CD55: variants seen among roughly 807,000 people sequenced by gnomAD.
CD55 encodes complement decay-accelerating factor.
A neutral mutation model predicts 45.8 loss-of-function variants in CD55; 41 were observed. The ratio of observed to expected loss-of-function variants is 0.90; its 90% confidence interval spans 0.70 to 1.16. The LOEUF (loss-of-function observed/expected upper bound fraction) is 1.16, where lower values mean the gene tolerates loss of function less well. Ranked by LOEUF, CD55 falls within the 50% of genes most tolerant of loss-of-function variation. CD55 has a pLI of 0.00. For synonymous variants in CD55, 181 were observed against 181.1 expected (o/e 1.00, Z 0.01); for missense variants, 416 against 469.8 (o/e 0.89, Z 1.06).
chr1:207,329,480 C>G (rs1450943171), intron 5 of CD55, among the ~76,000 whole-genome samples: 1 of 152,220 alleles, frequency 6.6e-6, no homozygotes, highest in Non-Finnish European at 1.5e-5. Flanking sequence ...TCTCCTATCA[C>G]TTAAAAAGCC....
At chr1:207,323,153 A>C (rs1010506589) in intron 2 of CD55, among the ~76,000 whole-genome samples, 1 of 151,310 alleles carries the variant, frequency 6.6e-6, no homozygotes, top group Admixed American at 6.6e-5. Context: ...ATATATATAA[A>C]TTGGGATATA....
At chr1:207,344,532 T>C (rs1455705385) in intron 9 of CD55, among the ~76,000 whole-genome samples, 2 of 152,166 alleles carry the variant, frequency 1.3e-5, no homozygotes. Flanking sequence ...TCTTTTTCTT[T>C]CAGCGCTTTG....
At chr1:207,352,030 A>AAAATTGTT (rs1215727904) in intron 9 of CD55, among the ~76,000 whole-genome samples, 1 of 152,164 alleles carries the variant, frequency 6.6e-6, no homozygotes, top group Non-Finnish European at 1.5e-5. Context: ...CTACTGCAAG[A>AAAATTGTT]AAATTGTTTC....
chr1:207,334,623 T>G (rs930092602), intron 6 of CD55, among the ~76,000 whole-genome samples: 1 of 152,164 alleles, frequency 6.6e-6, no homozygotes, highest in Non-Finnish European at 1.5e-5. Flanking sequence ...GTAAAAGTGA[T>G]AGTTTGCATA....
At position 207,322,577 on chromosome 1, in the gene CD55, T is replaced by G. The variant is rs370729319; in HGVS notation, c.286+10T>G. On this transcript the variant is annotated intron_variant, in intron 2 of 9. Coordinates refer to ENST00000367064, the MANE Select transcript of CD55 (RefSeq NM_000574.5). ...GAAGAGTTCTGCAATCGTAAGTTCT[T>G]CATCTTTTTAGAAAAGTTCTGGGAA... is the stretch of plus-strand genomic sequence containing the variant. The G allele has an allele frequency of 1.4e-5, 23 of 1,587,678 alleles. No homozygotes were observed. In the East Asian group the frequency reaches 4.7e-4, roughly 32 times the overall value.
At position 207,325,651 on chromosome 1, in the gene CD55, C is replaced by T. The variant is rs762195469; in HGVS notation, c.508C>T (p.Arg170Ter). The change falls in exon 4 of 10, where the codon CGA becomes TGA. Residue 170 changes from arginine (R) to a stop codon, truncating the protein, a stop_gained. Coordinates refer to ENST00000367064, the MANE Select transcript of CD55 (RefSeq NM_000574.5). LOFTEE classifies it high-confidence loss of function. ...KKSCPNPGEI[R>*]NGQIDVPGGI... ...ATCATGCCCTAATCCGGGAGAAATA[C>T]GAAATGGTCAGATTGATGTACCAGG... The T allele has an allele frequency of 1.5e-5, 24 of 1,608,596 alleles. No homozygotes were observed. Among genetic ancestry groups the T allele is most frequent in the South Asian group, 1.2e-4 (11 of 90,352 alleles).
At chr1:207,346,151 G>A (rs182447245) in intron 9 of CD55, among the ~76,000 whole-genome samples, 2 of 152,366 alleles carry the variant, frequency 1.3e-5, no homozygotes, top group East Asian at 1.9e-4. Flanking sequence ...GGACAACCCT[G>A]TGGGACACAA....
chr1:207,339,130 A>G (rs548631858), intron 8 of CD55, among the ~76,000 whole-genome samples: 1 of 152,148 alleles, frequency 6.6e-6, no homozygotes, highest in Admixed American at 6.5e-5. Context: ...TTTAAATGGC[A>G]TTTGTTTTGG....
chr1:207,321,811 G>T lies in CD55; in HGVS notation c.46G>T (p.Gly16Trp). ...CGTGCCCGCGGCGCTGCCCCTCCTC[G>T]GGGAGCTGCCCCGGCTGCTGCTGCT... ...PSVPAALPLL[G>W]ELPRLLLLVL... Residue 16 changes from glycine (G) to tryptophan (W), a missense_variant, in exon 1 of 10, where the codon GGG becomes TGG. By Grantham distance (184) the Gly-to-Trp change is radical. Coordinates refer to ENST00000367064, the MANE Select transcript of CD55 (RefSeq NM_000574.5). 1.3e-6 allele frequency: 2 copies of T among 1,528,172 alleles called. No individual in the cohort carries two copies. The highest frequency in any genetic ancestry group is 1.2e-5 in the South Asian group (1 of 83,458). The allele number at this position is 1,528,172 out of a possible 1,614,324, so 94.7% of individuals were successfully genotyped here.
chr1:207,355,555 T>G (rs1170271598), intron 9 of CD55, among the ~76,000 whole-genome samples: 1 of 152,196 alleles, frequency 6.6e-6, no homozygotes, highest in Non-Finnish European at 1.5e-5. Context: ...TACCATAGAC[T>G]GAACACTAAA....
chr1:207,351,101 GA>G (rs1434211626), intron 9 of CD55, among the ~76,000 whole-genome samples: 7 of 152,090 alleles, frequency 4.6e-5, no homozygotes, highest in Non-Finnish European at 7.4e-5. Context: ...TTAATTTTCA[GA>G]ATGCCAAAAG....
intron 3 of CD55, among the ~76,000 whole-genome samples, chr1:207,325,026 G>A (rs973730881): frequency 1.4e-4 from 21 of 152,178 alleles, no homozygotes; most frequent in Non-Finnish European, 2.8e-4. Flanking sequence ...TTATTATAAA[G>A]AGAAATTAGA....
At chr1:207,353,065 T>G (rs12023811) in intron 9 of CD55, among the ~76,000 whole-genome samples, 24,885 of 102,102 alleles carry the variant, frequency 0.24, 3,034 homozygotes, top group Non-Finnish European at 0.32. Context: ...TTTTTTTTTT[T>G]GGATGGGGGA....
chr1:207,337,600 T>C (rs1054739141), intron 8 of CD55, 191 bp downstream of exon 8: 3 of 423,338 alleles, frequency 7.1e-6, no homozygotes, highest in East Asian at 7.2e-5. Flanking sequence ...AAAAGAAACA[T>C]TTACAATAAT....
intron 2 of CD55, among the ~76,000 whole-genome samples, chr1:207,323,767 A>G (rs1234331457): frequency 6.6e-6 from 1 of 152,206 alleles, no homozygotes; most frequent in Non-Finnish European, 1.5e-5. Flanking sequence ...GTCTTTGCAC[A>G]TGTATCATGT....
intron 9 of CD55, among the ~76,000 whole-genome samples, chr1:207,357,964 C>G (rs965320001): frequency 6.6e-6 from 1 of 152,178 alleles, no homozygotes; most frequent in Non-Finnish European, 1.5e-5. Flanking sequence ...TGGGGTCTCT[C>G]TCTCTCTCAA....
At chr1:207,340,361 T>A in intron 9 of CD55, 1 of 453,796 alleles carries the variant, frequency 2.2e-6, no homozygotes, top group Non-Finnish European at 3.9e-6. Flanking sequence ...TTCTTTTCTT[T>A]TTTTTATTTT....
In CD55 at chr1:207,339,387, T is replaced by C. The variant is rs1655321637; in HGVS notation, c.1061-10T>C. On this transcript the variant is annotated splice_polypyrimidine_tract_variant and intron_variant, in intron 8 of 9. Coordinates refer to ENST00000367064, the MANE Select transcript of CD55 (RefSeq NM_000574.5). Reference sequence around the variant, plus strand: ...TTGTTGTTAATCCTTTTTTTCCCCTTCGTCTGTAGGTACTACCCGTCTTCT... The same window carrying C: ...TTGTTGTTAATCCTTTTTTTCCCCTCCGTCTGTAGGTACTACCCGTCTTCT... 6.2e-7 allele frequency: 1 copy of C among 1,600,948 alleles called. No homozygotes were observed. The highest frequency in any genetic ancestry group is 1.8e-5 in the Admixed American group (1 of 57,136).
At chr1:207,347,015 G>C (rs1002507402) in intron 9 of CD55, 1 of 440,562 alleles carries the variant, frequency 2.3e-6, no homozygotes. Flanking sequence ...CAGCCAAACA[G>C]GCTGCCTTGC....
Sources: allele counts gnomAD v4.1 joint callset (sites outside exome capture counted in the v4.1 genomes callset), GRCh38; gene constraint gnomAD v4.1.1; transcripts MANE v1.5; gene names NCBI Gene and HGNC (gene_info 2026-07-23, HGNC 2026-07-21).